Variants in JPH2 observed in about 807,000 individuals in gnomAD.
JPH2 encodes junctophilin-2.
Under a neutral mutation model 55.9 loss-of-function variants are expected in JPH2, and 38 were observed. The ratio of observed to expected loss-of-function variants is 0.68; its 90% CI spans 0.52 to 0.89. The LOEUF is 0.89. JPH2 is among the 40% of genes least tolerant of loss of function. The probability of loss-of-function intolerance (pLI) is 0.00; values close to 1 mark genes in which losing one functional copy is unlikely to be tolerated. For synonymous variants in JPH2, 480 were observed against 472.4 expected (o/e 1.02, Z -0.21); for missense variants, 964 against 1,037.6 (o/e 0.93, Z 0.97).
chr20:44,181,726 C>A, intron 1 of JPH2, among the ~76,000 whole-genome samples: 1 of 152,234 alleles, frequency 6.6e-6, no homozygotes, highest in East Asian at 1.9e-4. Flanking sequence ...CCCTCGTCAC[C>A]TGGCTCACTC....
intron 2 of JPH2, among the ~76,000 whole-genome samples, chr20:44,134,870 A>G (rs1459421730): frequency 1.8e-4 from 4 of 21,864 alleles, no homozygotes; most frequent in African/African-American, 9.6e-4. Flanking sequence ...ATATAAATAT[A>G]TATATTTATA....
chr20:44,182,527 G>A (rs1211818194), intron 1 of JPH2, among the ~76,000 whole-genome samples: 1 of 152,176 alleles, frequency 6.6e-6, no homozygotes, highest in African/African-American at 2.4e-5. Context: ...TCCAGCCCAG[G>A]CCACGATGTC....
At chr20:44,115,215 C>G (rs1484038137) in intron 4 of JPH2, among the ~76,000 whole-genome samples, 1 of 152,130 alleles carries the variant, frequency 6.6e-6, no homozygotes, top group Non-Finnish European at 1.5e-5. Context: ...TTGTTGCCGC[C>G]GTTCCTAGCT....
Position 44,160,228 on chromosome 20 carries a change from C to T in JPH2, c.559G>A (p.Gly187Ser), listed in dbSNP as rs869025440. ...ATGGCGGGCGAGGGCAGCGCGGGGC[C>T]GTCGGAGGCCGGCGAGGCGGGAGAG... Reference protein sequence around the residue: ...PDSPASPASDGPALPSPAIPR... With the variant: ...PDSPASPASDSPALPSPAIPR... The change falls in exon 2 of 6, where the codon GGC becomes AGC. Residue 187 changes from glycine to serine, a missense_variant. Gly to Ser is a moderately conservative substitution (Grantham distance 56). Transcript: ENST00000372980. The surrounding 1 kb of genome is among the most constrained non-coding windows in gnomAD (Gnocchi z 4.9). The T allele has an allele frequency of 6.7e-7, 1 of 1,487,546 alleles. No homozygotes were observed. Among genetic ancestry groups the T allele is most frequent in the Non-Finnish European group, 8.9e-7 (1 of 1,124,564 alleles). The allele number at this position is 1,487,546 out of a possible 1,614,324, so 92.1% of individuals were successfully genotyped here.
In JPH2 at chr20:44,107,789, A is replaced by G. The variant is rs1372518588; in HGVS notation, c.*5729T>C. On this transcript the variant is annotated 3_prime_UTR_variant, in exon 6 of 6. Coordinates refer to ENST00000372980, the MANE Select transcript of JPH2 (RefSeq NM_020433.5). ...GTGGAGAAGCTGTGGATAGGAAGAG[A>G]TACAGGGTTGTGTAGTTAGCAACTG... Among the ~76,000 whole-genome samples the G allele has an allele frequency of 6.6e-6, 1 of 152,192 alleles. No homozygotes were observed. The highest frequency in any genetic ancestry group is 1.5e-5 in the Non-Finnish European group (1 of 68,030).
At chr20:44,150,539 C>T (rs1198852198) in intron 2 of JPH2, among the ~76,000 whole-genome samples, 1 of 152,126 alleles carries the variant, frequency 6.6e-6, no homozygotes. Context: ...GGCTAAAATC[C>T]ATATGGAAAT....
rs1333055507 is a variant in JPH2, at chr20:44,116,291, G to T, written c.1384C>A (p.Leu462Ile). Residue 462 changes from leucine (L) to isoleucine (I), a missense_variant, in exon 4 of 6, where the codon CTC becomes ATC. Leu to Ile is a conservative substitution (Grantham distance 5). Coordinates refer to ENST00000372980, the MANE Select transcript of JPH2 (RefSeq NM_020433.5). ...PPDRGAGAAG[L>I]PQPPRESPQL... Reference sequence around the variant, plus strand: ...GGGCTCTCGCGGGGCGGCTGTGGGAGGCCCGCTGCGCCGGCGCCCCGGTCG... The same window carrying T: ...GGGCTCTCGCGGGGCGGCTGTGGGATGCCCGCTGCGCCGGCGCCCCGGTCG... 11 of 1,538,360 alleles carry T rather than the reference G, an allele frequency of 7.2e-6. No individual in the cohort carries two copies. Among genetic ancestry groups the T allele is most frequent in the Non-Finnish European group, 9.6e-6 (11 of 1,144,788 alleles).
chr20:44,181,094 G>A (rs1379971499), intron 1 of JPH2, among the ~76,000 whole-genome samples: 1 of 152,168 alleles, frequency 6.6e-6, no homozygotes, highest in Non-Finnish European at 1.5e-5. Flanking sequence ...GGAGGCCAGA[G>A]CTCCTGCACC....
At chr20:44,177,506 C>A in intron 1 of JPH2, 4 of 1,026,132 alleles carry the variant, frequency 3.9e-6, no homozygotes, top group Non-Finnish European at 4.7e-6. Context: ...ATACGGTCCG[C>A]TTTTCTGTTC....
In JPH2 at chr20:44,186,206, C is replaced by T. The variant is rs555145852; in HGVS notation, c.379+121G>A. 3.4e-6 allele frequency: 4 copies of T among 1,165,046 alleles called. No homozygotes were observed. In the South Asian group the frequency reaches 5.7e-5, roughly 17 times the overall value. The allele number at this position is 1,165,046 out of a possible 1,614,324, so 72.2% of individuals were successfully genotyped here. On this transcript the variant is annotated intron_variant, in intron 1 of 5. Coordinates refer to ENST00000372980, the MANE Select transcript of JPH2 (RefSeq NM_020433.5). ...GAGCAGCTTGCCCAAAACCACACAGCAAATCACTTCCTAGCCCATCTGATT... is the reference window on the plus strand; with the variant it reads ...GAGCAGCTTGCCCAAAACCACACAGTAAATCACTTCCTAGCCCATCTGATT...
chr20:44,178,385 C>G (rs2145896266), intron 1 of JPH2, among the ~76,000 whole-genome samples: 1 of 152,206 alleles, frequency 6.6e-6, no homozygotes, highest in African/African-American at 2.4e-5. Context: ...ATAAAATTAA[C>G]AAAAGATGTG....
intron 1 of JPH2, among the ~76,000 whole-genome samples, chr20:44,182,358 G>C (rs2072791562): frequency 6.6e-6 from 1 of 152,212 alleles, no homozygotes; most frequent in South Asian, 2.1e-4. Flanking sequence ...TTGGGAAAGA[G>C]AATCTGTGAG....
chr20:44,183,380 C>G (rs1319732126), intron 1 of JPH2, among the ~76,000 whole-genome samples: 4 of 152,224 alleles, frequency 2.6e-5, no homozygotes, highest in Non-Finnish European at 4.4e-5. Context: ...CAGGGCTGTT[C>G]AGTCCCCAGC....
At chr20:44,114,321 C>A (rs1201967279) in intron 5 of JPH2, among the ~76,000 whole-genome samples, 1 of 152,116 alleles carries the variant, frequency 6.6e-6, no homozygotes, top group Non-Finnish European at 1.5e-5. Flanking sequence ...TCCCACCGTC[C>A]CAGGTGAGCT....
intron 2 of JPH2, among the ~76,000 whole-genome samples, chr20:44,134,615 A>ATAC (rs372760801): frequency 2.4e-4 from 1 of 4,232 alleles, no homozygotes; most frequent in African/African-American, 7.6e-4. Context: ...TTATAAATAT[A>ATAC]ATAAATATAT....
intron 2 of JPH2, among the ~76,000 whole-genome samples, chr20:44,148,787 G>A (rs943253679): frequency 3.9e-4 from 60 of 152,170 alleles, no homozygotes; most frequent in African/African-American, 1.3e-3. Flanking sequence ...CAATCGGCCG[G>A]GCGTGGTGGC....
chr20:44,114,612 G>A (rs1473366938), intron 5 of JPH2, among the ~76,000 whole-genome samples, 170 bp downstream of exon 5: 2 of 143,424 alleles, frequency 1.4e-5, no homozygotes, highest in Non-Finnish European at 3.0e-5. Flanking sequence ...GTGTGTGTGC[G>A]CTGGTATCAA....
chr20:44,185,791 G>GTGGGTAGA (rs1385710231), intron 1 of JPH2, among the ~76,000 whole-genome samples: 1 of 151,610 alleles, frequency 6.6e-6, no homozygotes, highest in Non-Finnish European at 1.5e-5. Flanking sequence ...GAATGCGTGG[G>GTGGGTAGA]TGGGTAGATG....
At chr20:44,131,329 C>T (rs1325072225) in intron 2 of JPH2, among the ~76,000 whole-genome samples, 1 of 152,172 alleles carries the variant, frequency 6.6e-6, no homozygotes, top group Non-Finnish European at 1.5e-5. Flanking sequence ...ATGGATATTT[C>T]CCTGGTGGAG....
Sources: allele counts gnomAD v4.1 joint callset (sites outside exome capture counted in the v4.1 genomes callset), GRCh38; gene constraint gnomAD v4.1.1; non-coding constraint Gnocchi (gnomAD v3.1); transcripts MANE v1.5; gene names NCBI Gene and HGNC (gene_info 2026-07-23, HGNC 2026-07-21).